TTLL11: variants seen among roughly 807,000 people sequenced by gnomAD.
The protein encoded by TTLL11 is tubulin polyglutamylase TTLL11.
Under a neutral mutation model 51.7 loss-of-function variants are expected in TTLL11, and 42 were observed. The observed-to-expected ratio is 0.81, with a 90% CI of 0.64 to 1.05. The LOEUF is 1.05. Ranked by LOEUF, TTLL11 falls within the 50% of genes least tolerant of loss-of-function variation. TTLL11 has a pLI of 0.00. For synonymous variants in TTLL11, 381 were observed against 383.5 expected (o/e 0.99, Z 0.08); for missense variants, 799 against 940.4 (o/e 0.85, Z 1.97).
At chr9:121,940,669 T>C (rs1281084798) in intron 6 of TTLL11, among the ~76,000 whole-genome samples, 1 of 152,032 alleles carries the variant, frequency 6.6e-6, no homozygotes, top group Non-Finnish European at 1.5e-5. Flanking sequence ...TCCTCCTCCT[T>C]CACTCACCCA....
At chr9:122,004,669 A>T (rs192862005) in intron 3 of TTLL11, among the ~76,000 whole-genome samples, 1 of 152,306 alleles carries the variant, frequency 6.6e-6, no homozygotes, top group Admixed American at 6.5e-5. Flanking sequence ...CTTATGAGAT[A>T]GCGATTATTT....
At chr9:121,921,645 C>A (rs1161039261) in intron 6 of TTLL11, among the ~76,000 whole-genome samples, 1 of 152,166 alleles carries the variant, frequency 6.6e-6, no homozygotes, top group Non-Finnish European at 1.5e-5. Flanking sequence ...TGTGTACTTT[C>A]TCAGCACCTT....
chr9:121,933,910 A>G lies in TTLL11; in HGVS notation c.1481+40099T>C, dbSNP rs181372762. On this transcript the variant is annotated intron_variant, in intron 6 of 8. Transcript: ENST00000321582. ...TATGGAAGCTGAAACCATGTCAATA[A>G]ACTTTTCATACTCTGTTACATTTAA... 7.9e-5 allele frequency among the ~76,000 whole-genome samples: 12 copies of G among 152,254 alleles called. No individual in the cohort carries two copies. The East Asian group carries it at 2.3e-3, about 29-fold the overall frequency.
chr9:122,027,305 A>G (rs1427805814), intron 3 of TTLL11, among the ~76,000 whole-genome samples: 3 of 152,200 alleles, frequency 2.0e-5, no homozygotes, highest in Non-Finnish European at 2.9e-5. Flanking sequence ...ACAATTCAAC[A>G]TGAGATTTGG....
intron 1 of TTLL11, among the ~76,000 whole-genome samples, chr9:122,048,908 G>A (rs1007049762): frequency 1.6e-4 from 24 of 151,976 alleles, no homozygotes; most frequent in African/African-American, 5.8e-4. Context: ...CACAAGGAGA[G>A]CCCATGATCA....
intron 6 of TTLL11, among the ~76,000 whole-genome samples, chr9:121,942,738 ATTT>A (rs34352222): frequency 6.6e-4 from 65 of 97,870 alleles, no homozygotes; most frequent in African/African-American, 9.3e-4. Flanking sequence ...AATCTGTCTT[ATTT>A]TTTTTTTTTT....
At chr9:122,047,440 AAGAGGGAAGTGGTGGAGAT>A in intron 1 of TTLL11, among the ~76,000 whole-genome samples, 1 of 152,290 alleles carries the variant, frequency 6.6e-6, no homozygotes, top group East Asian at 1.9e-4. Context: ...CAGAGAGGAC[AAGAGGGAAGTGGTGGAGAT>A]GAGACTTCAG....
chr9:121,942,751 T>A (rs932339506), intron 6 of TTLL11, among the ~76,000 whole-genome samples: 5 of 148,636 alleles, frequency 3.4e-5, no homozygotes, highest in African/African-American at 1.3e-4. Context: ...TTTTTTTTTT[T>A]TTTTTTTTTT....
At chr9:121,946,040 G>A (rs905364141) in intron 6 of TTLL11, among the ~76,000 whole-genome samples, 2 of 152,226 alleles carry the variant, frequency 1.3e-5, no homozygotes, top group African/African-American at 4.8e-5. Flanking sequence ...GTGGTTCTGA[G>A]CCTTGAAGAG....
intron 3 of TTLL11, among the ~76,000 whole-genome samples, chr9:122,014,712 C>T (rs936256966): frequency 6.6e-6 from 1 of 152,178 alleles, no homozygotes; most frequent in African/African-American, 2.4e-5. Context: ...GTCTTAGTCC[C>T]AGCTACATGA....
chr9:121,908,979 AAC>A (rs1399392137), intron 6 of TTLL11, among the ~76,000 whole-genome samples: 1 of 152,226 alleles, frequency 6.6e-6, no homozygotes, highest in Non-Finnish European at 1.5e-5. Context: ...TTCAACCCAT[AAC>A]AGTTAGTAAA....
intron 3 of TTLL11, among the ~76,000 whole-genome samples, chr9:122,005,863 G>T (rs1843626981): frequency 6.6e-6 from 1 of 152,154 alleles, no homozygotes; most frequent in Admixed American, 6.5e-5. Context: ...AGTTATTACT[G>T]GGCAGAGGCC....
At position 121,892,697 on chromosome 9, in the gene TTLL11, T is replaced by C. The variant is rs561785253; in HGVS notation, c.1482-21949A>G. ...TTACTGTCCCCCTGAATGAATGACC[T>C]GCCATCCACAGAGGGATGGCAATGT... On this transcript the variant is annotated intron_variant, in intron 6 of 8. Coordinates refer to ENST00000321582, the MANE Select transcript of TTLL11 (RefSeq NM_001139442.2). Among the ~76,000 whole-genome samples the C allele has an allele frequency of 7.9e-4, 120 of 152,300 alleles. 1 individual carries two copies. The highest frequency in any genetic ancestry group is 1.2e-3 in the Non-Finnish European group (83 of 68,018).
intron 3 of TTLL11, among the ~76,000 whole-genome samples, chr9:122,026,413 G>C (rs1452426203): frequency 1.3e-5 from 2 of 150,052 alleles, no homozygotes; most frequent in African/African-American, 2.5e-5. Flanking sequence ...ACTCCAGCCT[G>C]GGCAACAGAG....
In TTLL11 at chr9:122,037,155, T is replaced by A. The variant is rs78735842; in HGVS notation, c.559+2117A>T. 4.3e-3 allele frequency among the ~76,000 whole-genome samples: 657 copies of A among 152,318 alleles called. 3 individuals carry two copies. Among genetic ancestry groups the A allele is most frequent in the African/African-American group, 0.015 (615 of 41,574 alleles). On this transcript the variant is annotated intron_variant, in intron 2 of 8. Transcript: ENST00000321582. ...CATGAGCAAATGGGGAAAATGTAAA[T>A]GAGGCCTCATTTGATGATTCATGTC... is the stretch of plus-strand genomic sequence containing the variant.
intron 1 of TTLL11, among the ~76,000 whole-genome samples, chr9:122,050,080 C>T (rs938928672): frequency 1.1e-4 from 16 of 152,012 alleles, no homozygotes; most frequent in Non-Finnish European, 1.9e-4. Flanking sequence ...CCCACCACAC[C>T]CCACTCAGAG....
At chr9:121,841,762 C>T (rs544710666) in intron 8 of TTLL11, among the ~76,000 whole-genome samples, 2 of 152,170 alleles carry the variant, frequency 1.3e-5, no homozygotes, top group African/African-American at 4.8e-5. Flanking sequence ...GGGGGTCTGT[C>T]TTGTGCATTT....
In TTLL11 at chr9:121,817,202, C is replaced by T. The variant is rs1836437097; in HGVS notation, c.*5385G>A. The T allele has an allele frequency of 6.6e-6, 1 of 152,104 alleles. No homozygotes were observed. Among genetic ancestry groups the T allele is most frequent in the Admixed American group, 6.5e-5 (1 of 15,272 alleles). The allele number at this position is 152,104 out of a possible 1,614,324, so 9.4% of individuals were successfully genotyped here. On this transcript the variant is annotated 3_prime_UTR_variant, in exon 9 of 9. Coordinates refer to ENST00000321582, the MANE Select transcript of TTLL11 (RefSeq NM_001139442.2). ...TATTCTGGAGGGACACTCTGCCAAT[C>T]ACAAGGCACATTCCGGGTGTCAGAG...
intron 6 of TTLL11, among the ~76,000 whole-genome samples, chr9:121,887,422 A>G (rs973540086): frequency 6.6e-6 from 1 of 152,270 alleles, no homozygotes; most frequent in Middle Eastern, 3.4e-3. Context: ...ATGCATATGG[A>G]TGGCAATGGT....
Sources: gnomAD v4.1 joint callset for allele counts (sites outside exome capture counted in the v4.1 genomes callset) on GRCh38, gnomAD v4.1.1 for gene constraint, MANE v1.5 for transcripts, NCBI Gene and HGNC (gene_info 2026-07-23, HGNC 2026-07-21) for gene names.